ABCC8: variants seen among roughly 807,000 people sequenced by gnomAD.
The protein encoded by ABCC8 is ATP binding cassette subfamily C member 8.
ABCC8 carries 137 observed loss-of-function variants against 188.0 expected under a neutral mutation model. That is an observed-to-expected ratio of 0.73 (90% CI 0.63 to 0.84). The LOEUF is 0.84. ABCC8 is among the 40% of genes least tolerant of loss of function. The pLI, the probability that ABCC8 is intolerant of heterozygous loss-of-function variation, is 0.00. For missense variants in ABCC8, 1,750 were observed against 2,072.7 expected, an observed-to-expected ratio of 0.84 and a Z score of 3.02; for synonymous variants, 797 against 846.5, an observed-to-expected ratio of 0.94 and a Z score of 1.01.
At position 17,461,722 on chromosome 11, in the gene ABCC8, C is replaced by T. The variant is rs863225280; in HGVS notation, c.683G>A (p.Gly228Asp). Residue 228 changes from glycine (G) to aspartate (D), a missense_variant, in exon 5 of 39, where the codon GGC (glycine) becomes GAC (aspartate). Physicochemically the swap from Gly to Asp is moderately conservative, Grantham distance 94 (BLOSUM62 -1). Transcript: ENST00000389817. ...LQPFVNLLSKGTYWWMNAFIK... is the reference protein window; with the variant it reads ...LQPFVNLLSKDTYWWMNAFIK... ...GAAGGCGTTCATCCACCAGTAGGTG[C>T]CTTTGGACAGCAGATTCACGAAGGG... is the stretch of plus-strand genomic sequence containing the variant. The T allele has an allele frequency of 1.9e-6, 3 of 1,614,182 alleles. No homozygotes were observed. Among genetic ancestry groups the T allele is most frequent in the Admixed American group, 3.3e-5 (2 of 60,032 alleles).
chr11:17,411,129 C>T (rs1294996047), intron 21 of ABCC8, among the ~76,000 whole-genome samples: 1 of 152,186 alleles, frequency 6.6e-6, no homozygotes, highest in African/African-American at 2.4e-5. Context: ...CCTTCGCTCA[C>T]CTAAGCACCA....
chr11:17,451,356 G>T (rs1347787783), intron 7 of ABCC8, among the ~76,000 whole-genome samples: 3 of 152,158 alleles, frequency 2.0e-5, no homozygotes, highest in African/African-American at 7.2e-5. Context: ...GATTTTCCTG[G>T]GCTTTTTCCA....
At chr11:17,425,638 A>G (rs1300700186) in intron 16 of ABCC8, among the ~76,000 whole-genome samples, 1 of 151,534 alleles carries the variant, frequency 6.6e-6, no homozygotes, top group African/African-American at 2.4e-5. Flanking sequence ...TACCCTCTTC[A>G]TTTCTCAGTT....
In ABCC8 at chr11:17,407,453, C is replaced by T; in HGVS notation, c.2821G>A (p.Glu941Lys). The change falls in exon 24 of 39, where the codon GAG (glutamate) becomes AAG (lysine). Residue 941 changes from glutamate to lysine, a missense_variant and splice_region_variant. By Grantham distance (56) the Glu-to-Lys change is moderately conservative (BLOSUM62 1). Coordinates refer to ENST00000389817, the MANE Select transcript of ABCC8 (RefSeq NM_000352.6). ...MNRQDQELEK[E>K]TVTERKATEP... ...GTGGCTTTTCTCTCTGTGACAGTCT[C>T]CTAAAAGACAGATGTGGCCTGGGCA... 6.2e-7 allele frequency: 1 copy of T among 1,614,088 alleles called. No individual in the cohort carries two copies. Among genetic ancestry groups the T allele is most frequent in the South Asian group, 1.1e-5 (1 of 91,066 alleles).
intron 18 of ABCC8, 22 bp downstream of exon 18, chr11:17,415,282 C>A (rs1302715903): frequency 3.1e-6 from 5 of 1,603,556 alleles, no homozygotes; most frequent in Non-Finnish European, 4.3e-6. Flanking sequence ...CCCTGGGGGG[C>A]AATGTTCCCA....
At chr11:17,467,648 A>G (rs1175249620) in intron 3 of ABCC8, among the ~76,000 whole-genome samples, 3 of 152,192 alleles carry the variant, frequency 2.0e-5, no homozygotes, top group Admixed American at 1.3e-4. Context: ...TCACGGGACA[A>G]TGTAAGCTGC....
intron 12 of ABCC8, chr11:17,430,267 T>C (rs1320654773): frequency 5.3e-6 from 1 of 187,296 alleles, no homozygotes; most frequent in African/African-American, 2.3e-5. Context: ...CCCATGAGGC[T>C]CTAGAGCCTG....
intron 16 of ABCC8, among the ~76,000 whole-genome samples, chr11:17,417,232 G>A (rs1955124629): frequency 1.3e-5 from 2 of 152,186 alleles, no homozygotes; most frequent in Non-Finnish European, 2.9e-5. Flanking sequence ...CTGGGCATCA[G>A]GAGCATTTTA....
rs1007114942 is a variant in ABCC8, at chr11:17,395,895, G to C, written c.4155C>G (p.Ser1385=). Residue 1385 remains serine, a synonymous_variant, in exon 34 of 39, where the codon TCC becomes TCG. Coordinates refer to ENST00000389817, the MANE Select transcript of ABCC8 (RefSeq NM_000352.6). ...TGCGGAAGAAGGCAAGAGAGAAGGA[G>C]GACTTCCCACTGCCGGTGCGGCCGC... ...GICGRTGSGK[S]SFSLAFFRMV... is the part of the protein sequence containing the mutation. The C allele has an allele frequency of 1.9e-6, 3 of 1,591,498 alleles. No individual in the cohort carries two copies. In the African/African-American group the frequency reaches 4.0e-5, roughly 21 times the overall value.
chr11:17,467,250 T>C (rs1005204550), intron 3 of ABCC8, among the ~76,000 whole-genome samples: 1 of 152,126 alleles, frequency 6.6e-6, no homozygotes, highest in African/African-American at 2.4e-5. Context: ...ATCCCAACTC[T>C]TCTAAAAATA....
chr11:17,395,142 C>A (rs564543196), intron 36 of ABCC8, 30 bp downstream of exon 36: 1 of 1,554,550 alleles, frequency 6.4e-7, no homozygotes. Flanking sequence ...AGTGCCCAAC[C>A]AACCCAGCTG....
At chr11:17,398,922 G>C in intron 29 of ABCC8, 1 of 207,858 alleles carries the variant, frequency 4.8e-6, no homozygotes, top group Non-Finnish European at 9.8e-6. Context: ...CACAGTGGCT[G>C]GCTTAATCTA....
chr11:17,421,821 C>G (rs904520658), intron 16 of ABCC8, among the ~76,000 whole-genome samples: 1 of 152,136 alleles, frequency 6.6e-6, no homozygotes, highest in African/African-American at 2.4e-5. Context: ...GAGGAATAAA[C>G]GAATAGTTGC....
At chr11:17,462,761 G>A (rs1433218774) in intron 4 of ABCC8, among the ~76,000 whole-genome samples, 1 of 149,050 alleles carries the variant, frequency 6.7e-6, no homozygotes, top group Non-Finnish European at 1.5e-5. Flanking sequence ...GGAGTCCCAA[G>A]AGATATTTGT....
At position 17,415,289 on chromosome 11, in the gene ABCC8, C is replaced by A. The variant is rs1380301038; in HGVS notation, c.2291+15G>T. On this transcript the variant is annotated intron_variant, in intron 18 of 38. Transcript: ENST00000389817. ...GGAGTTGACCCTGGGGGGCAATGTT[C>A]CCAGGACGCAGTACCTGATATCCAA... is the stretch of plus-strand genomic sequence containing the variant. 6.2e-7 allele frequency: 1 copy of A among 1,605,848 alleles called. No homozygotes were observed. The highest frequency in any genetic ancestry group is 1.3e-5 in the African/African-American group (1 of 74,986).
chr11:17,475,645 A>G (rs1031950105), intron 1 of ABCC8, among the ~76,000 whole-genome samples: 6 of 152,218 alleles, frequency 3.9e-5, no homozygotes, highest in African/African-American at 1.4e-4. Flanking sequence ...ATATGAGCAC[A>G]TATTTTGTAT....
At chr11:17,430,519 G>C (rs929478081) in intron 12 of ABCC8, 1 of 447,982 alleles carries the variant, frequency 2.2e-6, no homozygotes, top group African/African-American at 2.0e-5. Flanking sequence ...GTAGAATTTA[G>C]GAGGATTCCA....
intron 3 of ABCC8, among the ~76,000 whole-genome samples, chr11:17,465,115 C>G (rs957262558): frequency 6.6e-6 from 1 of 152,182 alleles, no homozygotes; most frequent in Non-Finnish European, 1.5e-5. Context: ...GCAGAAGCAT[C>G]GGCCTTCTGC....
intron 37 of ABCC8, 28 bp downstream of exon 37, chr11:17,394,238 T>G: frequency 1.2e-6 from 2 of 1,610,756 alleles, no homozygotes; most frequent in Non-Finnish European, 8.5e-7. Flanking sequence ...TCCAAGACCA[T>G]GGTCCCATGG....
Sources: gnomAD v4.1 joint callset for allele counts (sites outside exome capture counted in the v4.1 genomes callset) on GRCh38, gnomAD v4.1.1 for gene constraint, MANE v1.5 for transcripts, NCBI Gene and HGNC (gene_info 2026-07-23, HGNC 2026-07-21) for gene names.